Variants in TCF20 observed in about 807,000 individuals in gnomAD.
The protein encoded by TCF20 is SPRE-binding protein.
Under a neutral mutation model 148.6 loss-of-function variants are expected in TCF20, and 3 were observed. The ratio of observed to expected loss-of-function variants is 0.02; its 90% confidence interval spans 0.01 to 0.05. The LOEUF is 0.05. TCF20 is among the 10% of genes least tolerant of loss of function. The probability of loss-of-function intolerance (pLI) is 1.00; values close to 1 mark genes in which losing one functional copy is unlikely to be tolerated. For synonymous variants in TCF20, 1,049 were observed against 909.5 expected (o/e 1.15, Z -2.76); for missense variants, 2,350 against 2,429.3 (o/e 0.97, Z 0.69).
At chr22:42,174,712 C>CA (rs200353855) in intron 3 of TCF20, among the ~76,000 whole-genome samples, 20 of 151,370 alleles carry the variant, frequency 1.3e-4, no homozygotes, top group African/African-American at 2.4e-4. Context: ...GACCCTGTCT[C>CA]AAAAAAAATT....
At chr22:42,250,979 C>T (rs1212779898) in intron 1 of TCF20, among the ~76,000 whole-genome samples, 1 of 152,124 alleles carries the variant, frequency 6.6e-6, no homozygotes, top group South Asian at 2.1e-4. Context: ...CTCACCGTCT[C>T]GAGGACAGCA....
chr22:42,336,852 G>T (rs1264271419), intron 1 of TCF20, among the ~76,000 whole-genome samples: 1 of 152,146 alleles, frequency 6.6e-6, no homozygotes. Context: ...CTCTTGCAGA[G>T]ACCTCTCCAG....
intron 1 of TCF20, among the ~76,000 whole-genome samples, chr22:42,305,196 C>T (rs138116579): frequency 1.3e-5 from 2 of 152,266 alleles, no homozygotes; most frequent in East Asian, 3.9e-4. Context: ...AGCACTGCCT[C>T]CTGGCCCCCA....
At chr22:42,237,192 G>A (rs998909203) in intron 1 of TCF20, among the ~76,000 whole-genome samples, 14 of 152,032 alleles carry the variant, frequency 9.2e-5, no homozygotes, top group African/African-American at 1.9e-4. Flanking sequence ...CTTCAACCCC[G>A]CCACTGCTTA....
chr22:42,242,152 G>A (rs184365899), intron 1 of TCF20, among the ~76,000 whole-genome samples: 121 of 129,326 alleles, frequency 9.4e-4, no homozygotes, highest in African/African-American at 3.3e-3. Context: ...GCAGTGAGCC[G>A]AAATCGCACC....
chr22:42,209,618 A>G, intron 2 of TCF20, 33 bp downstream of exon 2: 1 of 1,548,966 alleles, frequency 6.5e-7, no homozygotes, highest in South Asian at 1.2e-5. Context: ...TGAAATAAAA[A>G]TCCCAAGCTG....
intron 2 of TCF20, among the ~76,000 whole-genome samples, chr22:42,194,719 G>T (rs1279117853): frequency 6.6e-6 from 1 of 152,108 alleles, no homozygotes; most frequent in Non-Finnish European, 1.5e-5. Flanking sequence ...GCATGGTGGA[G>T]GAGACTGGCA....
chr22:42,161,176 C>A lies in TCF20; in HGVS notation c.*227G>T, dbSNP rs1030616927. 1.5e-5 allele frequency: 7 copies of A among 479,084 alleles called. No homozygotes were observed. The highest frequency in any genetic ancestry group is 1.3e-4 in the African/African-American group (6 of 46,696). 29.7% of individuals were successfully genotyped at this position (479,084 alleles called of 1,614,324 possible). On this transcript the variant is annotated 3_prime_UTR_variant, in exon 6 of 6. Coordinates refer to ENST00000677622, the MANE Select transcript of TCF20 (RefSeq NM_001378418.1). ...GTGTCCATGGAAACAGCCATTCCAA[C>A]GTCTTGGGTCTTTCTTTCCTGTGGT... is the stretch of plus-strand genomic sequence containing the variant.
chr22:42,286,263 T>A (rs1927029496), upstream of TCF20, among the ~76,000 whole-genome samples: 1 of 152,158 alleles, frequency 6.6e-6, no homozygotes, highest in Non-Finnish European at 1.5e-5. Context: ...TGTCCTCTGA[T>A]CCACACAGTG....
chr22:42,210,727 C>G lies in TCF20; in HGVS notation c.4579G>C (p.Gly1527Arg), dbSNP rs1244291751. 1 of 1,614,202 alleles carries G rather than the reference C, an allele frequency of 6.2e-7. No individual in the cohort carries two copies. The highest frequency in any genetic ancestry group is 8.5e-7 in the Non-Finnish European group (1 of 1,180,032). Residue 1527 changes from glycine (G) to arginine (R), a missense_variant, in exon 2 of 6, where the codon GGT becomes CGT. Coordinates refer to ENST00000677622, the MANE Select transcript of TCF20 (RefSeq NM_001378418.1). This position sits in a 1 kb window ranked among gnomAD's most constrained non-coding sequence, Gnocchi z 4.7. ...DTVTISPKQE[G>R]FPPKGYFPSG... Reference sequence around the variant, plus strand: ...GGGAAATATCCCTTTGGAGGGAAACCCTCTTGCTTCGGTGAAATCGTCACT... The same window carrying G: ...GGGAAATATCCCTTTGGAGGGAAACGCTCTTGCTTCGGTGAAATCGTCACT...
At chr22:42,221,960 G>C (rs573844258) in intron 1 of TCF20, among the ~76,000 whole-genome samples, 1 of 151,516 alleles carries the variant, frequency 6.6e-6, no homozygotes, top group Non-Finnish European at 1.5e-5. Flanking sequence ...GGATGGTCTC[G>C]ATCTCCTGAC....
intron 1 of TCF20, among the ~76,000 whole-genome samples, chr22:42,332,282 C>T (rs1466933085): frequency 6.6e-6 from 1 of 152,120 alleles, no homozygotes; most frequent in East Asian, 1.9e-4. Flanking sequence ...ACAGCAAGTG[C>T]AAAGGCCCTG....
chr22:42,226,648 T>C (rs1922926546), intron 1 of TCF20, among the ~76,000 whole-genome samples: 1 of 152,202 alleles, frequency 6.6e-6, no homozygotes, highest in Non-Finnish European at 1.5e-5. Flanking sequence ...GAGGTTGCAG[T>C]GAGCCAAGAT....
At chr22:42,247,439 CAA>C (rs58249230) in intron 1 of TCF20, among the ~76,000 whole-genome samples, 6 of 87,374 alleles carry the variant, frequency 6.9e-5, no homozygotes, top group Admixed American at 2.8e-4. Context: ...GACTCCATCT[CAA>C]AAAAAAAAAA....
upstream of TCF20, among the ~76,000 whole-genome samples, chr22:42,286,889 C>T (rs556171766): frequency 1.8e-4 from 28 of 152,258 alleles, no homozygotes; most frequent in African/African-American, 5.8e-4. Context: ...CCGTGGAGGA[C>T]GTGTGCACAA....
At chr22:42,288,042 G>A (rs1212175328), upstream of TCF20, among the ~76,000 whole-genome samples, 5 of 152,112 alleles carry the variant, frequency 3.3e-5, no homozygotes, top group East Asian at 7.7e-4. Context: ...GTATGTGCTG[G>A]GCACCCTACA....
At chr22:42,169,544 G>A (rs746035544) in intron 4 of TCF20, among the ~76,000 whole-genome samples, 2 of 152,210 alleles carry the variant, frequency 1.3e-5, no homozygotes, top group African/African-American at 2.4e-5. Flanking sequence ...ACCTCAAGTG[G>A]AAATCAGTGG....
In TCF20 at chr22:42,270,479, G is replaced by C. The variant is rs1243180021; in HGVS notation, c.-177C>G. The stretch of plus-strand genomic sequence containing the variant: ...CAGCTCGGGCGCCCGGGCCGGCGGC[G>C]GGGCGGGCCGGGGCCGCGGCCCCTC... On this transcript the variant is annotated 5_prime_UTR_variant, in exon 1 of 6. Transcript: ENST00000677622. 6.2e-5 allele frequency among the ~76,000 whole-genome samples: 9 copies of C among 144,786 alleles called. No homozygotes were observed. Among genetic ancestry groups the C allele is most frequent in the African/African-American group, 2.0e-4 (8 of 40,464 alleles). 95.0% of individuals were successfully genotyped at this position (144,786 alleles called of 152,430 possible). A position where few individuals can be genotyped will look rare whatever the true frequency, so the allele number is the denominator to read the frequency against.
intron 1 of TCF20, among the ~76,000 whole-genome samples, chr22:42,241,237 T>C (rs115124073): frequency 0.013 from 1,985 of 152,118 alleles, 38 homozygotes; most frequent in African/African-American, 0.046. Flanking sequence ...AAGCCTCTAA[T>C]TATTTCTATA....
Sources: allele counts gnomAD v4.1 joint callset (sites outside exome capture counted in the v4.1 genomes callset), GRCh38; gene constraint gnomAD v4.1.1; non-coding constraint Gnocchi (gnomAD v3.1); transcripts MANE v1.5; gene names NCBI Gene and HGNC (gene_info 2026-07-23, HGNC 2026-07-21).